Variants in COL7A1 observed in about 807,000 individuals in gnomAD.
The protein encoded by COL7A1 is collagen type VII alpha 1 chain.
COL7A1 carries 296 observed loss-of-function variants against 456.2 expected under a neutral mutation model. The ratio of observed to expected loss-of-function variants is 0.65; its 90% CI spans 0.59 to 0.71. The LOEUF is 0.71. COL7A1 is among the 30% of genes least tolerant of loss of function. COL7A1 has a pLI of 0.00. For synonymous variants in COL7A1, 1,464 were observed against 1,525.9 expected, an observed-to-expected ratio of 0.96 and a Z score of 0.95; for missense variants, 3,441 against 4,017.2, an observed-to-expected ratio of 0.86 and a Z score of 3.88.
chr3:48,575,209 G>C lies in COL7A1; in HGVS notation c.6214C>G (p.Gln2072Glu), dbSNP rs1252147700. The C allele has an allele frequency of 6.2e-7, 1 of 1,614,048 alleles. No individual in the cohort carries two copies. Among genetic ancestry groups the C allele is most frequent in the Non-Finnish European group, 8.5e-7 (1 of 1,179,990 alleles). The change falls in exon 75 of 119, where the codon CAG (glutamine) becomes GAG (glutamate). Residue 2072 changes from glutamine (Q) to glutamate (E), a missense_variant and splice_region_variant. This residue lies in a region of COL7A1 where 2,084 missense variants were observed against 2,501.3 expected (regional missense o/e 0.83). Coordinates refer to ENST00000681320, the MANE Select transcript of COL7A1 (RefSeq NM_000094.4). This position sits in a 1 kb window ranked among gnomAD's most constrained non-coding sequence, Gnocchi z 6.3. ...CCACGAAGCCCATCGCAGCCCACCT[G>C]TTCTCCACGTTCTCCTTTCTCTCCC... ...ERGEKGERGE[Q>E]GRDGPPGLPG...
At position 48,579,020 on chromosome 3, in the gene COL7A1, T is replaced by C; in HGVS notation, c.5389-66A>G. ...TCAGGGGCTCTAGTCCCTGTGAGCC[T>C]AAGGCCTGCATGGCAAGAACATGCC... On this transcript the variant is annotated intron_variant, in intron 62 of 118. Coordinates refer to ENST00000681320, the MANE Select transcript of COL7A1 (RefSeq NM_000094.4). The surrounding 1 kb of genome is among the most constrained non-coding windows in gnomAD (Gnocchi z 4.4). 1 of 1,603,840 alleles carries C rather than the reference T, an allele frequency of 6.2e-7. No homozygotes were observed. Among genetic ancestry groups the C allele is most frequent in the Non-Finnish European group, 8.5e-7 (1 of 1,171,298 alleles).
Position 48,587,168 on chromosome 3 carries a change from C to T in COL7A1, c.3139+22G>A. Reference sequence around the variant, plus strand: ...GCCCACCCAGACACACCTTTCTGCCCTTCCCACTACGCCCACTATACCTGG... The same window carrying T: ...GCCCACCCAGACACACCTTTCTGCCTTTCCCACTACGCCCACTATACCTGG... On this transcript the variant is annotated intron_variant, in intron 24 of 118. Coordinates refer to ENST00000681320, the MANE Select transcript of COL7A1 (RefSeq NM_000094.4). This position sits in a 1 kb window ranked among gnomAD's most constrained non-coding sequence, Gnocchi z 6.1. 1 of 1,613,684 alleles carries T rather than the reference C, an allele frequency of 6.2e-7. No individual in the cohort carries two copies. Among genetic ancestry groups the T allele is most frequent in the Middle Eastern group, 1.6e-4 (1 of 6,062 alleles).
Position 48,564,529 on chromosome 3 carries a change from G to A in COL7A1, c.8819-107C>T. On this transcript the variant is annotated intron_variant, in intron 118 of 118. Transcript: ENST00000681320. The surrounding 1 kb of genome is among the most constrained non-coding windows in gnomAD (Gnocchi z 6.0). ...GGAGCGGAGGCTACAACAGGAAGTG[G>A]GGGCTCTGACCTCAGAGGGGTCCAT... 1 of 1,401,306 alleles carries A rather than the reference G, an allele frequency of 7.1e-7. No homozygotes were observed. The highest frequency in any genetic ancestry group is 1.0e-6 in the Non-Finnish European group (1 of 1,002,472). The allele number at this position is 1,401,306 out of a possible 1,614,324, so 86.8% of individuals were successfully genotyped here. A position where few individuals can be genotyped will look rare whatever the true frequency, so the allele number is the denominator to read the frequency against.
rs749283784 is a variant in COL7A1 at position 48,573,894 on chromosome 3, C to T, written c.6502-4G>A. ...GGCCTCTTGGACCCTGCAGACCCTA[C>T]ATAGAGAGGGCACTGATGAGCCTCA... On this transcript the variant is annotated splice_polypyrimidine_tract_variant and splice_region_variant and intron_variant, in intron 80 of 118. Transcript: ENST00000681320. The surrounding 1 kb of genome is among the most constrained non-coding windows in gnomAD (Gnocchi z 5.5). 1.2e-6 allele frequency: 2 copies of T among 1,613,228 alleles called. No individual in the cohort carries two copies. The highest frequency in any genetic ancestry group is 1.3e-5 in the African/African-American group (1 of 74,870).
Position 48,593,790 on chromosome 3 carries a change from A to G in COL7A1, c.267-94T>C, listed in dbSNP as rs2045879210. ...CTCTAGGGTGAGGGTTACGGGTATC[A>G]GGCTCTCTTGAGGGGTCCCTTCGTT... On this transcript the variant is annotated intron_variant, in intron 3 of 118. Coordinates refer to ENST00000681320, the MANE Select transcript of COL7A1 (RefSeq NM_000094.4). The surrounding 1 kb of genome is among the most constrained non-coding windows in gnomAD (Gnocchi z 4.4). 1 of 1,484,066 alleles carries G rather than the reference A, an allele frequency of 6.7e-7. No homozygotes were observed. The highest frequency in any genetic ancestry group is 2.3e-5 in the East Asian group (1 of 44,210). 91.9% of individuals were successfully genotyped at this position (1,484,066 alleles called of 1,614,324 possible). A position where few individuals can be genotyped will look rare whatever the true frequency, so the allele number is the denominator to read the frequency against.
rs1285813682 is a variant in COL7A1 at position 48,578,968 on chromosome 3, CA to C, written c.5389-15del. 1.9e-6 allele frequency: 3 copies of C among 1,613,864 alleles called. No homozygotes were observed. Among genetic ancestry groups the C allele is most frequent in the Non-Finnish European group, 2.5e-6 (3 of 1,179,984 alleles). ...GCCTGCAGCACCCTGAGGAGAGACTCAAAGTCAGTTCATCATGGTCATGGGG... is the reference window on the plus strand; with the variant it reads ...GCCTGCAGCACCCTGAGGAGAGACTCAAGTCAGTTCATCATGGTCATGGGG... On this transcript the variant is annotated splice_polypyrimidine_tract_variant and intron_variant, in intron 62 of 118. Transcript: ENST00000681320. The surrounding 1 kb of genome is among the most constrained non-coding windows in gnomAD (Gnocchi z 4.7).
Position 48,594,577 on chromosome 3 carries a change from C to A in COL7A1, c.86-29G>T, listed in dbSNP as rs1022401151. Reference sequence around the variant, plus strand: ...GGGCGGGCAGGAGAGATCAGGGCCTCTTCTGGGAGGCCAACCACCCGCCTA... The same window carrying A: ...GGGCGGGCAGGAGAGATCAGGGCCTATTCTGGGAGGCCAACCACCCGCCTA... On this transcript the variant is annotated intron_variant, in intron 2 of 118. Transcript: ENST00000681320. This position sits in a 1 kb window ranked among gnomAD's most constrained non-coding sequence, Gnocchi z 5.5. 55 of 1,552,978 alleles carry A rather than the reference C, an allele frequency of 3.5e-5. No homozygotes were observed. The highest frequency in any genetic ancestry group is 4.8e-5 in the Non-Finnish European group (55 of 1,152,306).
rs201152116 is a variant in COL7A1, at chr3:48,569,577, C to A, written c.7614+15G>T. 1 of 1,613,614 alleles carries A rather than the reference C, an allele frequency of 6.2e-7. No homozygotes were observed. The highest frequency in any genetic ancestry group is 1.1e-5 in the South Asian group (1 of 91,076). On this transcript the variant is annotated intron_variant, in intron 102 of 118. Transcript: ENST00000681320. The surrounding 1 kb of genome is among the most constrained non-coding windows in gnomAD (Gnocchi z 4.9). Reference sequence around the variant, plus strand: ...GCACCCAGGGGAGACCCAGTCCACACGTGGGCCCACTCACCATGTCCCCCT... The same window carrying A: ...GCACCCAGGGGAGACCCAGTCCACAAGTGGGCCCACTCACCATGTCCCCCT...
rs539722683 is a variant in COL7A1 at position 48,579,749 on chromosome 3, G to A, written c.5154+36C>T. ...GTAGAACCTGCTGGGAGGGGCACTGGGGTCTTTCTTACCCTCCACCCACAG... is the reference window on the plus strand; with the variant it reads ...GTAGAACCTGCTGGGAGGGGCACTGAGGTCTTTCTTACCCTCCACCCACAG... On this transcript the variant is annotated intron_variant, in intron 58 of 118. Coordinates refer to ENST00000681320, the MANE Select transcript of COL7A1 (RefSeq NM_000094.4). The surrounding 1 kb of genome is among the most constrained non-coding windows in gnomAD (Gnocchi z 4.4). The A allele has an allele frequency of 1.1e-4, 180 of 1,613,984 alleles. 1 individual carries two copies. In the South Asian group the frequency reaches 1.5e-3, roughly 14 times the overall value.
chr3:48,581,665 A>C lies in COL7A1; in HGVS notation c.4723-33T>G. 6.2e-7 allele frequency: 1 copy of C among 1,614,112 alleles called. No individual in the cohort carries two copies. Reference sequence around the variant, plus strand: ...TGGAAGGATAAGAAGTCAGGAAGACAACCTTCACCAACTGCCCCCTAAACA... The same window carrying C: ...TGGAAGGATAAGAAGTCAGGAAGACCACCTTCACCAACTGCCCCCTAAACA... On this transcript the variant is annotated intron_variant, in intron 49 of 118. Transcript: ENST00000681320. This position sits in a 1 kb window ranked among gnomAD's most constrained non-coding sequence, Gnocchi z 5.8.
Position 48,574,919 on chromosome 3 carries a change from A to T in COL7A1, c.6280-54T>A. 1.2e-6 allele frequency: 2 copies of T among 1,602,048 alleles called. No individual in the cohort carries two copies. The highest frequency in any genetic ancestry group is 2.2e-5 in the East Asian group (1 of 44,744). ...TGTCTCTGTCATAGAGGCATGGGGG[A>T]GTCATCACAGATCTCAGGATCACAG... On this transcript the variant is annotated intron_variant, in intron 76 of 118. Transcript: ENST00000681320. This position sits in a 1 kb window ranked among gnomAD's most constrained non-coding sequence, Gnocchi z 5.0.
At position 48,583,964 on chromosome 3, in the gene COL7A1, A is replaced by G. The variant is rs2044998906; in HGVS notation, c.4225-11T>C. Reference sequence around the variant, plus strand: ...TGGTCCAGGGGGACCCTGGGAGAGAACAGCAGGTCAGGGAATGAACAGGGG... The same window carrying G: ...TGGTCCAGGGGGACCCTGGGAGAGAGCAGCAGGTCAGGGAATGAACAGGGG... On this transcript the variant is annotated splice_polypyrimidine_tract_variant and intron_variant, in intron 38 of 118. Transcript: ENST00000681320. The surrounding 1 kb of genome is among the most constrained non-coding windows in gnomAD (Gnocchi z 5.1). 2 of 1,613,906 alleles carry G rather than the reference A, an allele frequency of 1.2e-6. No individual in the cohort carries two copies. Among genetic ancestry groups the G allele is most frequent in the South Asian group, 2.2e-5 (2 of 91,086 alleles).
chr3:48,576,352 T>C (rs542324182), intron 70 of COL7A1, 48 bp downstream of exon 70: 3 of 1,613,874 alleles, frequency 1.9e-6, no homozygotes, highest in South Asian at 2.2e-5. Flanking sequence ...CATGTGCACA[T>C]GTGGGTGCTG....
In COL7A1 at chr3:48,595,280, C is replaced by T. The variant is rs1386884393; in HGVS notation, c.-14G>A. The T allele has an allele frequency of 1.3e-6, 1 of 769,322 alleles. No homozygotes were observed. The highest frequency in any genetic ancestry group is 2.2e-6 in the Non-Finnish European group (1 of 450,034). 47.7% of individuals were successfully genotyped at this position (769,322 alleles called of 1,614,324 possible). A position where few individuals can be genotyped will look rare whatever the true frequency, so the allele number is the denominator to read the frequency against. ...GTCCTGGTCTTGCCTGCGCGTCCGCCCGCTCCCGCCGCCGCCGCTGCAGTC... is the reference window on the plus strand; with the variant it reads ...GTCCTGGTCTTGCCTGCGCGTCCGCTCGCTCCCGCCGCCGCCGCTGCAGTC... On this transcript the variant is annotated 5_prime_UTR_variant, in exon 1 of 119. Transcript: ENST00000681320.
chr3:48,568,639 C>T lies in COL7A1; in HGVS notation c.7759-105G>A. On this transcript the variant is annotated intron_variant, in intron 104 of 118. Transcript: ENST00000681320. The surrounding 1 kb of genome is among the most constrained non-coding windows in gnomAD (Gnocchi z 5.2). The stretch of plus-strand genomic sequence containing the variant: ...AGATGCTCAGCGGCCAGGGCCCAGG[C>T]CACACACAGATCCCGGGTGAACACA... 1.3e-6 allele frequency: 2 copies of T among 1,495,282 alleles called. No homozygotes were observed. Among genetic ancestry groups the T allele is most frequent in the Non-Finnish European group, 1.8e-6 (2 of 1,098,434 alleles). 92.6% of individuals were successfully genotyped at this position (1,495,282 alleles called of 1,614,324 possible).
At position 48,574,039 on chromosome 3, in the gene COL7A1, T is replaced by G; in HGVS notation, c.6502-149A>C. On this transcript the variant is annotated intron_variant, in intron 80 of 118. Coordinates refer to ENST00000681320, the MANE Select transcript of COL7A1 (RefSeq NM_000094.4). The surrounding 1 kb of genome is among the most constrained non-coding windows in gnomAD (Gnocchi z 5.0). ...CTACCCATGGACTGCCTCTCATAGA[T>G]AGCACACACGGGCCTGCACACACAC... The G allele has an allele frequency of 8.7e-7, 1 of 1,152,578 alleles. No individual in the cohort carries two copies. The highest frequency in any genetic ancestry group is 1.3e-6 in the Non-Finnish European group (1 of 791,168). 71.4% of individuals were successfully genotyped at this position (1,152,578 alleles called of 1,614,324 possible). A position where few individuals can be genotyped will look rare whatever the true frequency, so the allele number is the denominator to read the frequency against.
At position 48,584,474 on chromosome 3, in the gene COL7A1, C is replaced by T. The variant is rs202225012; in HGVS notation, c.4119+11G>A. 5.2e-5 allele frequency: 84 copies of T among 1,613,970 alleles called. No homozygotes were observed. In the East Asian group the frequency reaches 1.8e-3, roughly 35 times the overall value. On this transcript the variant is annotated intron_variant, in intron 36 of 118. Coordinates refer to ENST00000681320, the MANE Select transcript of COL7A1 (RefSeq NM_000094.4). ...CTACACATCACTTGCCTCCACATAC[C>T]CTGCACTTACCGATGGTCCAGGGTC...
Position 48,573,324 on chromosome 3 carries a change from G to C in COL7A1, c.6643C>G (p.Pro2215Ala), listed in dbSNP as rs1489201304. The C allele has an allele frequency of 6.2e-7, 1 of 1,613,984 alleles. No individual in the cohort carries two copies. Reference protein sequence around the residue: ...LKGEPGETGPPGRGLTGPTGA... With the variant: ...LKGEPGETGPAGRGLTGPTGA... ...TGAGCTAGGCCACTCACCCGTCCTG[G>C]AGGTCCTGTCTCTCCAGGCTCCCCC... is the stretch of plus-strand genomic sequence containing the variant. The change falls in exon 84 of 119, where the codon CCA becomes GCA. Residue 2215 changes from proline (P) to alanine (A), a missense_variant. By Grantham distance (27) the Pro-to-Ala change is conservative. Around this residue, in one of 3 missense-constraint regions of COL7A1, gnomAD observed 2,084 missense variants for 2,501.3 expected, o/e 0.83. Coordinates refer to ENST00000681320, the MANE Select transcript of COL7A1 (RefSeq NM_000094.4). The surrounding 1 kb of genome is among the most constrained non-coding windows in gnomAD (Gnocchi z 5.5).
chr3:48,571,547 A>T lies in COL7A1; in HGVS notation c.7069-269T>A. On this transcript the variant is annotated intron_variant, in intron 92 of 118. Transcript: ENST00000681320. The surrounding 1 kb of genome is among the most constrained non-coding windows in gnomAD (Gnocchi z 4.6). Reference sequence around the variant, plus strand: ...AGGGAGCCCACACGCGAGTGCAGACATCTGGCTCCACAGACGTGAGTGCGG... The same window carrying T: ...AGGGAGCCCACACGCGAGTGCAGACTTCTGGCTCCACAGACGTGAGTGCGG... The T allele has an allele frequency of 5.8e-6, 4 of 691,466 alleles. No homozygotes were observed. The allele number at this position is 691,466 out of a possible 1,614,324, so 42.8% of individuals were successfully genotyped here.
Sources: allele counts gnomAD v4.1 joint callset, GRCh38; gene constraint gnomAD v4.1.1; regional missense constraint gnomAD v4.1.1; non-coding constraint Gnocchi (gnomAD v3.1); transcripts MANE v1.5; gene names NCBI Gene and HGNC (gene_info 2026-07-23, HGNC 2026-07-21).